CRPPA: variants seen among roughly 807,000 people sequenced by gnomAD.
The protein encoded by CRPPA is D-ribitol-5-phosphate cytidylyltransferase.
Under a neutral mutation model 52.0 loss-of-function variants are expected in CRPPA, and 43 were observed. The ratio of observed to expected loss-of-function variants is 0.83; its 90% CI spans 0.65 to 1.07. The LOEUF (loss-of-function observed/expected upper bound fraction) is 1.07. CRPPA is among the 50% of genes least tolerant of loss of function. CRPPA has a pLI of 0.00. For missense variants in CRPPA, 629 were observed against 551.7 expected (o/e 1.14, Z -1.40); for synonymous variants, 250 against 203.5 (o/e 1.23, Z -1.94).
At chr7:16,116,675 A>AGGAAAGGAAAGGGGAGGGAAG (rs1782380928) in intron 9 of CRPPA, among the ~76,000 whole-genome samples, 2 of 96,620 alleles carry the variant, frequency 2.1e-5, no homozygotes, top group African/African-American at 3.5e-5. Flanking sequence ...AAAAAAAAAA[A>AGGAAAGGAAAGGGGAGGGAAG]GGAAAGGAAA....
At chr7:16,397,004 C>T (rs533534166) in intron 2 of CRPPA, among the ~76,000 whole-genome samples, 2 of 152,192 alleles carry the variant, frequency 1.3e-5, no homozygotes, top group East Asian at 1.9e-4. Context: ...TGACATGGAA[C>T]TGACACGTGT....
chr7:16,418,006 C>A (rs1241623148), intron 1 of CRPPA, among the ~76,000 whole-genome samples: 6 of 152,180 alleles, frequency 3.9e-5, no homozygotes, highest in Non-Finnish European at 8.8e-5. Context: ...GCATTTTATA[C>A]TTCCATGTCC....
intron 9 of CRPPA, among the ~76,000 whole-genome samples, chr7:16,166,434 C>G (rs952836129): frequency 6.6e-6 from 1 of 152,066 alleles, no homozygotes; most frequent in African/African-American, 2.4e-5. Context: ...CTGGCATCAC[C>G]ACGCCCAGCT....
chr7:16,213,178 C>T (rs745921194), intron 9 of CRPPA, among the ~76,000 whole-genome samples: 1 of 152,204 alleles, frequency 6.6e-6, no homozygotes, highest in Non-Finnish European at 1.5e-5. Context: ...TGTAAGTTCA[C>T]TGCTAGATCA....
intron 9 of CRPPA, chr7:16,208,947 G>A (rs1015616881): frequency 5.1e-6 from 2 of 389,648 alleles, no homozygotes; most frequent in East Asian, 6.6e-5. Context: ...CCACAAACGT[G>A]GTGAACATTC....
At chr7:16,179,385 A>G (rs2128387225) in intron 9 of CRPPA, among the ~76,000 whole-genome samples, 1 of 152,242 alleles carries the variant, frequency 6.6e-6, no homozygotes, top group East Asian at 1.9e-4. Flanking sequence ...GAAGTTTTGC[A>G]GGTATGATTA....
At chr7:16,401,986 A>T (rs1269499781) in intron 2 of CRPPA, among the ~76,000 whole-genome samples, 1 of 152,216 alleles carries the variant, frequency 6.6e-6, no homozygotes, top group Non-Finnish European at 1.5e-5. Flanking sequence ...GATGGCAGAG[A>T]TGCTTTCAGT....
At chr7:16,208,991 G>T in intron 9 of CRPPA, 1 of 418,332 alleles carries the variant, frequency 2.4e-6, no homozygotes, top group Non-Finnish European at 4.8e-6. Context: ...GAGAAGTGTG[G>T]CAAGCACCAA....
chr7:16,105,864 T>C (rs1583359093), intron 9 of CRPPA, among the ~76,000 whole-genome samples: 1 of 152,098 alleles, frequency 6.6e-6, no homozygotes, highest in African/African-American at 2.4e-5. Context: ...AGCACCTCTA[T>C]GAAGCTAAAA....
intron 8 of CRPPA, among the ~76,000 whole-genome samples, chr7:16,239,934 A>T (rs916469286): frequency 1.3e-5 from 2 of 152,132 alleles, no homozygotes; most frequent in Non-Finnish European, 2.9e-5. Flanking sequence ...TTGCTTCAGA[A>T]TTCCATTCTA....
intron 9 of CRPPA, among the ~76,000 whole-genome samples, chr7:16,172,037 T>A (rs924221711): frequency 6.6e-6 from 1 of 152,182 alleles, no homozygotes; most frequent in Non-Finnish European, 1.5e-5. Context: ...TCCCTATGGT[T>A]CACCTCAGCT....
chr7:16,296,705 GA>G (rs200784729), intron 5 of CRPPA, among the ~76,000 whole-genome samples: 1 of 144,974 alleles, frequency 6.9e-6, no homozygotes. Flanking sequence ...AACAACAACA[GA>G]AAAAAAACAA....
At chr7:16,161,973 T>C (rs1470745535) in intron 9 of CRPPA, among the ~76,000 whole-genome samples, 2 of 152,220 alleles carry the variant, frequency 1.3e-5, no homozygotes, top group African/African-American at 2.4e-5. Flanking sequence ...TTTATTTGCA[T>C]AGAGGAGTTT....
chr7:16,250,511 C>CT (rs1783417600), intron 8 of CRPPA, among the ~76,000 whole-genome samples: 1 of 152,184 alleles, frequency 6.6e-6, no homozygotes, highest in South Asian at 2.1e-4. Flanking sequence ...GCCCATCAGG[C>CT]TAACAGCAGC....
chr7:16,393,063 G>A (rs11973206), intron 2 of CRPPA, among the ~76,000 whole-genome samples: 2 of 151,928 alleles, frequency 1.3e-5, no homozygotes, highest in Non-Finnish European at 2.9e-5. Context: ...GACAGATTAG[G>A]AAGCCAACAA....
chr7:16,156,736 A>G (rs1201841972), intron 9 of CRPPA, among the ~76,000 whole-genome samples: 1 of 152,248 alleles, frequency 6.6e-6, no homozygotes. Context: ...TTAAACGATC[A>G]TAATAGCATA....
intron 3 of CRPPA, among the ~76,000 whole-genome samples, chr7:16,316,749 C>T (rs569332722): frequency 6.6e-6 from 1 of 152,006 alleles, no homozygotes; most frequent in Non-Finnish European, 1.5e-5. Flanking sequence ...CCAAGCTACT[C>T]AGAAGGCTGA....
chr7:16,162,712 G>A (rs1165400202), intron 9 of CRPPA, among the ~76,000 whole-genome samples: 2 of 152,130 alleles, frequency 1.3e-5, no homozygotes, highest in Admixed American at 1.3e-4. Context: ...CCAGAGCTGA[G>A]TTTAATTCCT....
chr7:16,158,438 CA>C (rs1415768138), intron 9 of CRPPA, among the ~76,000 whole-genome samples: 1 of 151,964 alleles, frequency 6.6e-6, no homozygotes, highest in Non-Finnish European at 1.5e-5. Context: ...AAATGGAATA[CA>C]GTTACTTTAG....
Sources: gnomAD v4.1 joint callset for allele counts (sites outside exome capture counted in the v4.1 genomes callset) on GRCh38, gnomAD v4.1.1 for gene constraint, MANE v1.5 for transcripts, NCBI Gene and HGNC (gene_info 2026-07-23, HGNC 2026-07-21) for gene names.